The following KCNH7 variants were observed in gnomAD, a reference collection of about 807,000 sequenced individuals.
KCNH7 encodes voltage-gated inwardly rectifying potassium channel KCNH7.
KCNH7 carries 49 observed loss-of-function variants against 120.8 expected under a neutral mutation model. The ratio of observed to expected loss-of-function variants is 0.41; its 90% confidence interval spans 0.32 to 0.51. The LOEUF is 0.51. Among genes scored for constraint, KCNH7 ranks in the 20% least tolerant of loss-of-function variants. The pLI, the probability that KCNH7 is intolerant of heterozygous loss-of-function variation, is 0.38. For synonymous variants in KCNH7, 547 were observed against 516.1 expected (o/e 1.06, Z -0.81); for missense variants, 1,097 against 1,446.6 (o/e 0.76, Z 3.92).
chr2:162,653,296 T>G (rs1273811522), intron 2 of KCNH7, among the ~76,000 whole-genome samples: 2 of 152,346 alleles, frequency 1.3e-5, no homozygotes, highest in East Asian at 3.9e-4. Context: ...TTGGAATGGA[T>G]GAAATTAAGT....
At chr2:162,428,837 T>C (rs1687959546) in intron 8 of KCNH7, among the ~76,000 whole-genome samples, 1 of 151,922 alleles carries the variant, frequency 6.6e-6, no homozygotes, top group Admixed American at 6.6e-5. Context: ...CTTCAGATTT[T>C]CTTATGATTA....
At position 162,380,007 on chromosome 2, in the gene KCNH7, G is replaced by A; in HGVS notation, c.2977C>T (p.Arg993Ter). The change falls in exon 14 of 16, where the codon CGA (arginine) becomes TGA (stop). Residue 993 changes from arginine (R) to a stop codon, truncating the protein, a stop_gained. Coordinates refer to ENST00000332142, the MANE Select transcript of KCNH7 (RefSeq NM_033272.4). LOFTEE classifies it high-confidence loss of function. The part of the protein sequence containing the change: ...SHSCKDITDM[R>*]SWERENAHPQ... ...TGTGCATTTTCTCGTTCCCAGCTTC[G>A]CATGTCAGTGATATCTGTGGAAAAT... 6.2e-7 allele frequency: 1 copy of A among 1,613,890 alleles called. No individual in the cohort carries two copies.
intron 2 of KCNH7, among the ~76,000 whole-genome samples, chr2:162,716,281 C>T (rs1039378107): frequency 1.3e-5 from 2 of 152,060 alleles, no homozygotes; most frequent in African/African-American, 4.8e-5. Context: ...GAAAACCCCA[C>T]CTAAAAATTA....
At chr2:162,736,368 C>G (rs572605347) in intron 2 of KCNH7, among the ~76,000 whole-genome samples, 77 of 152,164 alleles carry the variant, frequency 5.1e-4, no homozygotes, top group Admixed American at 2.6e-4. Context: ...TACAAAGGAG[C>G]TTCAAAAATC....
At chr2:162,598,407 T>C (rs908752919) in intron 2 of KCNH7, among the ~76,000 whole-genome samples, 1 of 152,062 alleles carries the variant, frequency 6.6e-6, no homozygotes, top group African/African-American at 2.4e-5. Flanking sequence ...AAATGATAAA[T>C]ATCTACATTC....
chr2:162,777,910 G>T (rs183867144), intron 2 of KCNH7, among the ~76,000 whole-genome samples: 1 of 152,162 alleles, frequency 6.6e-6, no homozygotes, highest in Non-Finnish European at 1.5e-5. Context: ...AGTTGAAGCA[G>T]ATTTTATATA....
intron 2 of KCNH7, among the ~76,000 whole-genome samples, chr2:162,576,512 T>A (rs1433005386): frequency 2.0e-5 from 2 of 100,502 alleles, no homozygotes; most frequent in African/African-American, 9.0e-5. Context: ...AGACAGCTAA[T>A]GAAATTAGTA....
At chr2:162,454,262 T>C (rs1688882812) in intron 6 of KCNH7, among the ~76,000 whole-genome samples, 1 of 152,040 alleles carries the variant, frequency 6.6e-6, no homozygotes. Flanking sequence ...GGTTGTTGTA[T>C]ATGTGTGGTG....
intron 2 of KCNH7, among the ~76,000 whole-genome samples, chr2:162,576,569 A>G (rs910933475): frequency 2.8e-4 from 43 of 152,060 alleles, no homozygotes; most frequent in African/African-American, 9.4e-4. Context: ...ATTTAAATCT[A>G]TTTTTCCTCT....
At chr2:162,643,289 CTG>C (rs1684229767) in intron 2 of KCNH7, among the ~76,000 whole-genome samples, 1 of 150,862 alleles carries the variant, frequency 6.6e-6, no homozygotes, top group East Asian at 2.0e-4. Flanking sequence ...AGCTAGCACA[CTG>C]AGGAATTTAT....
At chr2:162,771,395 G>C (rs1683050091) in intron 2 of KCNH7, among the ~76,000 whole-genome samples, 1 of 151,744 alleles carries the variant, frequency 6.6e-6, no homozygotes, top group Non-Finnish European at 1.5e-5. Flanking sequence ...CTTTGTGTAG[G>C]TTTCCTCTAT....
intron 12 of KCNH7, among the ~76,000 whole-genome samples, chr2:162,386,338 T>G (rs1686570816): frequency 6.6e-6 from 1 of 151,942 alleles, no homozygotes; most frequent in Non-Finnish European, 1.5e-5. Context: ...TCTTTGTTTT[T>G]AACTTCTTCC....
At chr2:162,833,458 T>C (rs1290055427) in intron 2 of KCNH7, among the ~76,000 whole-genome samples, 2 of 152,134 alleles carry the variant, frequency 1.3e-5, no homozygotes, top group Non-Finnish European at 2.9e-5. Flanking sequence ...AATTATAGTT[T>C]TGTATAATTA....
intron 4 of KCNH7, among the ~76,000 whole-genome samples, chr2:162,517,034 C>T (rs1462938585): frequency 2.0e-5 from 3 of 151,688 alleles, no homozygotes; most frequent in South Asian, 2.1e-4. Context: ...AGTACTTAAC[C>T]GATGTTATCA....
Position 162,446,179 on chromosome 2 carries a change from C to A in KCNH7, c.1393G>T (p.Asp465Tyr). Residue 465 changes from aspartate (D) to tyrosine (Y), a missense_variant, in exon 7 of 16, where the codon GAT (aspartate) becomes TAT (tyrosine). By Grantham distance (160) the Asp-to-Tyr change is radical (BLOSUM62 -3). Coordinates refer to ENST00000332142, the MANE Select transcript of KCNH7 (RefSeq NM_033272.4). ...GTTGTTCTGAAGTTTATTAAAATAT[C>A]TATGATAAACATAATATCCACAATC... Reference protein sequence around the residue: ...DLIVDIMFIIDILINFRTTYV... With the variant: ...DLIVDIMFIIYILINFRTTYV... The A allele has an allele frequency of 6.2e-7, 1 of 1,613,622 alleles. No individual in the cohort carries two copies. The highest frequency in any genetic ancestry group is 8.5e-7 in the Non-Finnish European group (1 of 1,179,658).
chr2:162,804,965 C>T (rs969586520), intron 2 of KCNH7, among the ~76,000 whole-genome samples: 2 of 151,148 alleles, frequency 1.3e-5, no homozygotes, highest in Non-Finnish European at 3.0e-5. Context: ...AACTTATCTT[C>T]GACAAACATA....
At chr2:162,674,029 G>T (rs1312479783) in intron 2 of KCNH7, among the ~76,000 whole-genome samples, 2 of 151,742 alleles carry the variant, frequency 1.3e-5, no homozygotes, top group Non-Finnish European at 2.9e-5. Context: ...AATCATCATT[G>T]CTAGTAAATA....
chr2:162,558,503 C>CTTTTTTTTTTTTTTTTTTTTTTTTTT (rs71410015), intron 2 of KCNH7, among the ~76,000 whole-genome samples: 1 of 80,696 alleles, frequency 1.2e-5, no homozygotes, highest in African/African-American at 4.9e-5. Context: ...TTCTCAATGG[C>CTTTTTTTTTTTTTTTTTTTTTTTTTT]TTTTTTTTTT....
At chr2:162,602,759 A>AT (rs747790832) in intron 2 of KCNH7, among the ~76,000 whole-genome samples, 7 of 152,040 alleles carry the variant, frequency 4.6e-5, no homozygotes, top group Non-Finnish European at 7.4e-5. Context: ...TGTATCAATG[A>AT]ATAAACAGAG....
Sources: gnomAD v4.1 joint callset for allele counts (sites outside exome capture counted in the v4.1 genomes callset) on GRCh38, gnomAD v4.1.1 for gene constraint, MANE v1.5 for transcripts, NCBI Gene and HGNC (gene_info 2026-07-23, HGNC 2026-07-21) for gene names.